NEK11: variants seen among roughly 807,000 people sequenced by gnomAD.
NEK11 encodes the protein NIMA related kinase 11, also known as serine/threonine-protein kinase Nek11.
Under a neutral mutation model 80.7 loss-of-function variants are expected in NEK11, and 72 were observed. The observed-to-expected ratio is 0.89, with a 90% CI of 0.74 to 1.08. The LOEUF (loss-of-function observed/expected upper bound fraction) is 1.08. Ranked by LOEUF, NEK11 falls within the 50% of genes least tolerant of loss-of-function variation. NEK11 has a pLI of 0.00. For missense variants in NEK11, 764 were observed against 763.6 expected, an observed-to-expected ratio of 1.00 and a Z score of -0.01; for synonymous variants, 251 against 260.7, an observed-to-expected ratio of 0.96 and a Z score of 0.36.
intron 3 of NEK11, chr3:131,053,589 C>A (rs1260541901): frequency 1.3e-5 from 2 of 152,166 alleles, no homozygotes; most frequent in Admixed American, 6.5e-5. Context: ...AAACTTAACT[C>A]TCCAGTGTCC....
intron 7 of NEK11, among the ~76,000 whole-genome samples, chr3:131,142,468 A>C (rs1283027403): frequency 6.6e-6 from 1 of 150,762 alleles, no homozygotes; most frequent in Non-Finnish European, 1.5e-5. Context: ...TAAAATTATT[A>C]AAGCAGTTGG....
chr3:131,187,287 A>G (rs1372325039), intron 14 of NEK11, among the ~76,000 whole-genome samples: 1 of 152,196 alleles, frequency 6.6e-6, no homozygotes, highest in East Asian at 1.9e-4. Flanking sequence ...CTTCTAGAAC[A>G]TTGCATCATC....
chr3:131,199,997 T>C (rs2094167027), intron 14 of NEK11, among the ~76,000 whole-genome samples: 1 of 152,160 alleles, frequency 6.6e-6, no homozygotes, highest in Non-Finnish European at 1.5e-5. Context: ...TATCATTCAA[T>C]AGATTCAAGA....
intron 16 of NEK11, among the ~76,000 whole-genome samples, chr3:131,245,311 G>GTGTGTTTGTT (rs1400135848): frequency 1.3e-5 from 2 of 151,864 alleles, no homozygotes; most frequent in African/African-American, 4.8e-5. Context: ...TTGTGTGTGT[G>GTGTGTTTGTT]TGTGTGTGTG....
intron 14 of NEK11, among the ~76,000 whole-genome samples, chr3:131,196,798 A>T (rs1370484562): frequency 1.3e-5 from 2 of 151,652 alleles, no homozygotes; most frequent in African/African-American, 4.8e-5. Context: ...CTGGGATTAC[A>T]GGTGTGAGGC....
chr3:131,291,038 C>T (rs60371866), intron 17 of NEK11, among the ~76,000 whole-genome samples: 26,347 of 152,102 alleles, frequency 0.17, 4,108 homozygotes, highest in African/African-American at 0.41. Flanking sequence ...GTATCCATCA[C>T]TATAGTATCA....
intron 7 of NEK11, among the ~76,000 whole-genome samples, chr3:131,148,003 C>T (rs772130409): frequency 9.2e-5 from 14 of 151,732 alleles, no homozygotes; most frequent in Non-Finnish European, 1.6e-4. Context: ...TATTTTTAAG[C>T]TTCAAAAAAT....
At chr3:131,192,852 C>A (rs750303629) in intron 14 of NEK11, among the ~76,000 whole-genome samples, 9 of 152,034 alleles carry the variant, frequency 5.9e-5, no homozygotes, top group Non-Finnish European at 1.0e-4. Flanking sequence ...AAGTTCTGGA[C>A]AGGGATGGTG....
chr3:131,243,587 G>T, intron 16 of NEK11, 91 bp downstream of exon 16: 1 of 1,091,688 alleles, frequency 9.2e-7, no homozygotes, highest in Non-Finnish European at 1.4e-6. Context: ...GTTTAAGTCT[G>T]ATATCTTAGT....
At chr3:131,230,774 A>G (rs909061276) in intron 15 of NEK11, among the ~76,000 whole-genome samples, 1 of 152,074 alleles carries the variant, frequency 6.6e-6, no homozygotes. Flanking sequence ...GGCCTCTCAT[A>G]TGGTTTGGCT....
At chr3:131,213,156 G>T (rs1201979580) in intron 14 of NEK11, among the ~76,000 whole-genome samples, 1 of 151,554 alleles carries the variant, frequency 6.6e-6, no homozygotes, top group East Asian at 1.9e-4. Context: ...GCGTGAATGT[G>T]AACCAACTCC....
intron 4 of NEK11, among the ~76,000 whole-genome samples, chr3:131,096,656 G>A (rs1376793241): frequency 6.6e-6 from 1 of 152,060 alleles, no homozygotes; most frequent in Non-Finnish European, 1.5e-5. Context: ...CACTGGGTAA[G>A]CATTCACTTT....
chr3:131,202,950 G>C (rs2094298067), intron 14 of NEK11, among the ~76,000 whole-genome samples: 1 of 151,856 alleles, frequency 6.6e-6, no homozygotes, highest in Non-Finnish European at 1.5e-5. Context: ...AGAGGATGTG[G>C]AGAAATAGGA....
intron 14 of NEK11, among the ~76,000 whole-genome samples, chr3:131,214,061 C>T (rs2094728666): frequency 6.6e-6 from 1 of 152,162 alleles, no homozygotes; most frequent in Non-Finnish European, 1.5e-5. Flanking sequence ...AGCCTTCAAC[C>T]AGACACTGAA....
intron 14 of NEK11, among the ~76,000 whole-genome samples, chr3:131,220,273 T>C (rs995635143): frequency 6.6e-5 from 10 of 152,322 alleles, no homozygotes; most frequent in Middle Eastern, 3.4e-3. Flanking sequence ...AAAAATCTTA[T>C]GGTTTTGGGG....
intron 17 of NEK11, among the ~76,000 whole-genome samples, chr3:131,305,674 C>T (rs1251587189): frequency 1.3e-5 from 2 of 152,198 alleles, no homozygotes; most frequent in African/African-American, 2.4e-5. Context: ...CCTGCCAGCT[C>T]AAGTGTCCTT....
intron 4 of NEK11, among the ~76,000 whole-genome samples, chr3:131,098,631 A>G (rs894121968): frequency 2.8e-5 from 4 of 144,334 alleles, no homozygotes; most frequent in African/African-American, 1.0e-4. Context: ...GCTGGAGTGT[A>G]GTGGCGCAAT....
chr3:131,291,306 T>G (rs1000281526), intron 17 of NEK11, among the ~76,000 whole-genome samples: 2 of 152,212 alleles, frequency 1.3e-5, no homozygotes, highest in Non-Finnish European at 2.9e-5. Context: ...TGTCTGGATA[T>G]ACCACAGTTT....
chr3:131,260,751 A>G (rs77425748), intron 16 of NEK11, among the ~76,000 whole-genome samples: 1 of 152,260 alleles, frequency 6.6e-6, no homozygotes, highest in Non-Finnish European at 1.5e-5. Context: ...AATTTGGCAA[A>G]GAGTGGTATC....
Sources: gnomAD v4.1 joint callset for allele counts (sites outside exome capture counted in the v4.1 genomes callset) on GRCh38, gnomAD v4.1.1 for gene constraint, MANE v1.5 for transcripts, NCBI Gene and HGNC (gene_info 2026-07-23, HGNC 2026-07-21) for gene names.